The following INTS4 variants were observed in gnomAD, a reference collection of about 807,000 sequenced individuals.
The protein encoded by INTS4 is MSTP093.
In INTS4, 70 loss-of-function variants were observed where a neutral mutation model predicts 119.5. That is an observed-to-expected ratio of 0.59 (90% CI 0.48 to 0.71). The LOEUF (loss-of-function observed/expected upper bound fraction) is 0.71. Ranked by LOEUF, INTS4 falls within the 30% of genes least tolerant of loss-of-function variation. INTS4 has a pLI of 0.00. For missense variants in INTS4, 867 were observed against 1,173.2 expected (o/e 0.74, Z 3.81); for synonymous variants, 316 against 419.6 (o/e 0.75, Z 3.02).
chr11:77,945,734 C>T (rs887218305), intron 8 of INTS4, among the ~76,000 whole-genome samples: 1 of 152,192 alleles, frequency 6.6e-6, no homozygotes, highest in Non-Finnish European at 1.5e-5. Flanking sequence ...CCCACTCCCT[C>T]ACAACCCATC....
chr11:77,989,003 AC>A (rs1856560550), intron 2 of INTS4, among the ~76,000 whole-genome samples: 1 of 152,170 alleles, frequency 6.6e-6, no homozygotes, highest in African/African-American at 2.4e-5. Context: ...CTAAATATCA[AC>A]TAATTCTTAG....
Position 77,918,803 on chromosome 11 carries a change from A to G in INTS4, c.1922+18T>C. 1.2e-6 allele frequency: 2 copies of G among 1,611,508 alleles called. No homozygotes were observed. Among genetic ancestry groups the G allele is most frequent in the Non-Finnish European group, 1.7e-6 (2 of 1,178,968 alleles). ...GTAACAGCACTAACTCTGTCAGATG[A>G]AGGGATGATTACCCTACCTGATGGT... On this transcript the variant is annotated intron_variant, in intron 15 of 22. Transcript: ENST00000534064.
At chr11:77,974,463 G>C (rs1266648900) in intron 4 of INTS4, among the ~76,000 whole-genome samples, 1 of 151,832 alleles carries the variant, frequency 6.6e-6, no homozygotes, top group Non-Finnish European at 1.5e-5. Context: ...GGCTGGTCTT[G>C]AACTCCTGAC....
At chr11:77,919,021 A>G (rs551023724) in intron 14 of INTS4, 43 bp from the exon 15 acceptor site, 9 of 1,607,786 alleles carry the variant, frequency 5.6e-6, no homozygotes, top group South Asian at 1.1e-5. Flanking sequence ...TTGGTGGCTC[A>G]GCTTTTGGTA....
chr11:77,971,605 T>C (rs920803884), intron 4 of INTS4, among the ~76,000 whole-genome samples: 4 of 152,022 alleles, frequency 2.6e-5, no homozygotes, highest in African/African-American at 7.2e-5. Flanking sequence ...AAGCCACCAC[T>C]GCACTCCAGC....
At chr11:77,904,609 A>T (rs1952885351) in intron 16 of INTS4, among the ~76,000 whole-genome samples, 1 of 152,220 alleles carries the variant, frequency 6.6e-6, no homozygotes, top group South Asian at 2.1e-4. Context: ...TATCAAATTA[A>T]ACAGTGGTAG....
Position 77,940,385 on chromosome 11 carries a change from T to G in INTS4, c.990+795A>C, listed in dbSNP as rs549928150. ...GATCAAAGTTGCATTGAGTAATGAT[T>G]GTGCCACTGCATTTCAGCCTGGGCA... is the stretch of plus-strand genomic sequence containing the variant. On this transcript the variant is annotated intron_variant, in intron 9 of 22. Transcript: ENST00000534064. 1.6e-4 allele frequency among the ~76,000 whole-genome samples: 24 copies of G among 152,124 alleles called. No homozygotes were observed. In the East Asian group the frequency reaches 3.9e-3, roughly 24 times the overall value.
At chr11:77,979,784 C>A (rs1165945395) in intron 3 of INTS4, among the ~76,000 whole-genome samples, 1 of 151,262 alleles carries the variant, frequency 6.6e-6, no homozygotes, top group Non-Finnish European at 1.5e-5. Context: ...TCGAGACCAG[C>A]CTGACCAACA....
At chr11:77,931,367 C>A (rs1953645149) in intron 10 of INTS4, among the ~76,000 whole-genome samples, 2 of 152,146 alleles carry the variant, frequency 1.3e-5, no homozygotes, top group Non-Finnish European at 2.9e-5. Flanking sequence ...CCCTAAAACC[C>A]AAATTTTCCC....
intron 4 of INTS4, among the ~76,000 whole-genome samples, chr11:77,975,030 T>C (rs1297395244): frequency 6.6e-6 from 1 of 152,242 alleles, no homozygotes; most frequent in Non-Finnish European, 1.5e-5. Flanking sequence ...TTGTTGATCT[T>C]TTCAGAGAAG....
intron 2 of INTS4, among the ~76,000 whole-genome samples, chr11:77,986,084 G>T (rs1455422164): frequency 6.6e-6 from 1 of 152,100 alleles, no homozygotes; most frequent in Non-Finnish European, 1.5e-5. Context: ...TAGGAGCTAG[G>T]GTCCACTTGA....
At chr11:77,985,927 G>T (rs530239966) in intron 2 of INTS4, among the ~76,000 whole-genome samples, 12 of 152,200 alleles carry the variant, frequency 7.9e-5, no homozygotes, top group African/African-American at 2.9e-4. Flanking sequence ...CAAAAAAAAA[G>T]TAGGAAAAAG....
intron 19 of INTS4, among the ~76,000 whole-genome samples, chr11:77,892,313 A>G (rs934213637): frequency 5.3e-5 from 8 of 152,196 alleles, no homozygotes; most frequent in African/African-American, 1.9e-4. Context: ...TGAGGCTCAG[A>G]AAAGTTAAGT....
chr11:77,917,884 T>C, intron 15 of INTS4: 1 of 557,162 alleles, frequency 1.8e-6, no homozygotes, highest in Non-Finnish European at 3.2e-6. Flanking sequence ...CAGGCATTAG[T>C]CACCCAGAAT....
At chr11:77,952,576 T>C (rs1321307596) in intron 8 of INTS4, among the ~76,000 whole-genome samples, 1 of 152,212 alleles carries the variant, frequency 6.6e-6, no homozygotes, top group African/African-American at 2.4e-5. Flanking sequence ...CTATACATAG[T>C]AGTAATTATT....
At chr11:77,890,185 T>C (rs1454645808) in intron 21 of INTS4, among the ~76,000 whole-genome samples, 1 of 152,192 alleles carries the variant, frequency 6.6e-6, no homozygotes, top group African/African-American at 2.4e-5. Flanking sequence ...CAATATGCAA[T>C]ACAACTTCAC....
intron 21 of INTS4, among the ~76,000 whole-genome samples, chr11:77,885,345 G>A (rs1951959462): frequency 1.3e-5 from 2 of 152,064 alleles, no homozygotes; most frequent in South Asian, 2.1e-4. Context: ...CCAAAGTGTT[G>A]GGATTACAGG....
At chr11:77,992,886 G>GA (rs1363248862) in intron 1 of INTS4, among the ~76,000 whole-genome samples, 1 of 152,108 alleles carries the variant, frequency 6.6e-6, no homozygotes, top group African/African-American at 2.4e-5. Flanking sequence ...TTTCAGCGGA[G>GA]AAAAAAGAAC....
At chr11:77,904,171 C>T (rs1453492629) in intron 16 of INTS4, among the ~76,000 whole-genome samples, 2 of 152,222 alleles carry the variant, frequency 1.3e-5, no homozygotes, top group Non-Finnish European at 2.9e-5. Flanking sequence ...TCTCTCCTCA[C>T]CTATCCATCC....
Sources: gnomAD v4.1 joint callset for allele counts (sites outside exome capture counted in the v4.1 genomes callset) on GRCh38, gnomAD v4.1.1 for gene constraint, MANE v1.5 for transcripts, NCBI Gene and HGNC (gene_info 2026-07-23, HGNC 2026-07-21) for gene names.